Variants in LIN9 observed in about 807,000 individuals in gnomAD.
LIN9 encodes the protein lin-9 DREAM MuvB core complex component, also known as protein lin-9 homolog.
Under a neutral mutation model 78.0 loss-of-function variants are expected in LIN9, and 18 were observed. The observed-to-expected ratio is 0.23, with a 90% CI of 0.16 to 0.34. The LOEUF (loss-of-function observed/expected upper bound fraction) is 0.34, where lower values mean the gene tolerates loss of function less well. Ranked by LOEUF, LIN9 falls within the 10% of genes least tolerant of loss-of-function variation. The pLI is 1.00. For synonymous variants in LIN9, 192 were observed against 215.2 expected, an observed-to-expected ratio of 0.89 and a Z score of 0.94; for missense variants, 451 against 644.1, an observed-to-expected ratio of 0.70 and a Z score of 3.25.
chr1:226,266,139 T>C, intron 9 of LIN9, 74 bp downstream of exon 9: 2 of 1,007,250 alleles, frequency 2.0e-6, no homozygotes, highest in East Asian at 3.0e-5. Context: ...CTGTAATAGA[T>C]GTGTATTTCT....
At chr1:226,276,838 C>A (rs10799345) in intron 7 of LIN9, among the ~76,000 whole-genome samples, 8,057 of 152,112 alleles carry the variant, frequency 0.053, 335 homozygotes, top group East Asian at 0.2. Flanking sequence ...TCCATGAGTA[C>A]ACAGAATCAC....
intron 7 of LIN9, among the ~76,000 whole-genome samples, chr1:226,273,769 C>T (rs915307001): frequency 6.6e-6 from 1 of 151,652 alleles, no homozygotes; most frequent in Non-Finnish European, 1.5e-5. Flanking sequence ...CCAGGTGATT[C>T]TGATGCATAC....
chr1:226,291,607 A>C (rs1661798179), intron 4 of LIN9, among the ~76,000 whole-genome samples: 1 of 152,164 alleles, frequency 6.6e-6, no homozygotes, highest in Non-Finnish European at 1.5e-5. Context: ...TAGGGTCAAA[A>C]TTTTAAAATT....
intron 3 of LIN9, 39 bp from the exon 4 acceptor site, chr1:226,295,985 C>T: frequency 1.4e-6 from 2 of 1,408,442 alleles, no homozygotes; most frequent in Non-Finnish European, 2.0e-6. Context: ...AAAAGCCGAA[C>T]CCTCCCATTT....
Position 226,232,393 on chromosome 1 carries a change from T to C in LIN9, c.*108A>G. 1.6e-6 allele frequency: 1 copy of C among 641,602 alleles called. No homozygotes were observed. Among genetic ancestry groups the C allele is most frequent in the South Asian group, 2.6e-5 (1 of 38,848 alleles). 39.7% of individuals were successfully genotyped at this position (641,602 alleles called of 1,614,324 possible). A position where few individuals can be genotyped will look rare whatever the true frequency, so the allele number is the denominator to read the frequency against. ...AAAATGCCTTATTTGGAGATTTAAA[T>C]TTCCCTTGTTTTCCAGCAGTTAGGT... On this transcript the variant is annotated 3_prime_UTR_variant, in exon 15 of 15. Coordinates refer to ENST00000681046, the MANE Select transcript of LIN9 (RefSeq NM_001366245.2).
chr1:226,266,523 CAG>C (rs1159864130), intron 8 of LIN9, among the ~76,000 whole-genome samples, 191 bp from the exon 9 acceptor site: 6 of 148,264 alleles, frequency 4.0e-5, no homozygotes, highest in Non-Finnish European at 4.5e-5. Flanking sequence ...GAACTTGAAA[CAG>C]AGTATGAAAA....
chr1:226,305,986 T>C lies in LIN9; in HGVS notation c.31+3123A>G, dbSNP rs754143835. Among the ~76,000 whole-genome samples the C allele has an allele frequency of 2.0e-5, 3 of 152,190 alleles. No individual in the cohort carries two copies. In the Middle Eastern group the frequency reaches 0.01, roughly 518 times the overall value. ...GTAGAATTGATAGATATTTAGAAGG[T>C]AAAATTTACAGACTTAGTAAAGGCT... On this transcript the variant is annotated intron_variant, in intron 1 of 14. Transcript: ENST00000681046.
At chr1:226,291,894 C>T (rs1661817550) in intron 4 of LIN9, among the ~76,000 whole-genome samples, 1 of 151,144 alleles carries the variant, frequency 6.6e-6, no homozygotes, top group African/African-American at 2.4e-5. Context: ...TCTTTGTTTT[C>T]CCTCAGTGAC....
intron 11 of LIN9, among the ~76,000 whole-genome samples, chr1:226,249,190 T>G (rs191418564): frequency 4.0e-5 from 6 of 151,798 alleles, no homozygotes; most frequent in Admixed American, 3.9e-4. Flanking sequence ...AAAACAGAAG[T>G]GGGGTGGAAG....
intron 1 of LIN9, among the ~76,000 whole-genome samples, chr1:226,307,815 T>C (rs767194329): frequency 6.6e-6 from 1 of 152,228 alleles, no homozygotes; most frequent in Non-Finnish European, 1.5e-5. Flanking sequence ...TAGCCACATT[T>C]GAAATGTTCC....
At chr1:226,305,836 T>C (rs568832049) in intron 1 of LIN9, among the ~76,000 whole-genome samples, 1 of 152,212 alleles carries the variant, frequency 6.6e-6, no homozygotes, top group Non-Finnish European at 1.5e-5. Flanking sequence ...ATGACATACA[T>C]TCGTTTTGAA....
Position 226,250,937 on chromosome 1 carries a change from A to T in LIN9, c.1039-18T>A. On this transcript the variant is annotated intron_variant, in intron 10 of 14. Transcript: ENST00000681046. ...AATCTGGTCTACAGACAAAGAAGAA[A>T]TATTTTAGAATAAACAGAGGCATTT... is the stretch of plus-strand genomic sequence containing the variant. The T allele has an allele frequency of 8.0e-7, 1 of 1,254,910 alleles. No individual in the cohort carries two copies. Among genetic ancestry groups the T allele is most frequent in the Non-Finnish European group, 1.1e-6 (1 of 876,176 alleles). The allele number at this position is 1,254,910 out of a possible 1,614,324, so 77.7% of individuals were successfully genotyped here.
Position 226,266,350 on chromosome 1 carries a change from T to C in LIN9, c.817-18A>G. ...TCATTACTCTGAGAAAACAGAATAA[T>C]TCACAAAACTTAAAGAAATTTACCA... is the stretch of plus-strand genomic sequence containing the variant. On this transcript the variant is annotated intron_variant, in intron 8 of 14. Transcript: ENST00000681046. 6.4e-7 allele frequency: 1 copy of C among 1,573,072 alleles called. No homozygotes were observed. The highest frequency in any genetic ancestry group is 8.6e-7 in the Non-Finnish European group (1 of 1,159,344).
chr1:226,283,425 C>T (rs963459359), intron 6 of LIN9, among the ~76,000 whole-genome samples: 4 of 151,282 alleles, frequency 2.6e-5, no homozygotes, highest in Non-Finnish European at 5.9e-5. Flanking sequence ...CACACCCAGC[C>T]TGAATCATCT....
intron 4 of LIN9, among the ~76,000 whole-genome samples, chr1:226,288,416 A>G (rs1465490053): frequency 6.6e-6 from 1 of 152,184 alleles, no homozygotes; most frequent in African/African-American, 2.4e-5. Flanking sequence ...AACTACCACC[A>G]CTATTTCATA....
intron 2 of LIN9, among the ~76,000 whole-genome samples, chr1:226,298,985 T>C (rs1293857796): frequency 6.6e-6 from 1 of 152,180 alleles, no homozygotes; most frequent in Non-Finnish European, 1.5e-5. Flanking sequence ...CAGAAAAGAA[T>C]TCTATCGAAT....
chr1:226,297,713 C>G lies in LIN9; in HGVS notation c.159+6G>C, dbSNP rs1251857625. The G allele has an allele frequency of 6.4e-7, 1 of 1,552,664 alleles. No homozygotes were observed. Among genetic ancestry groups the G allele is most frequent in the South Asian group, 1.2e-5 (1 of 81,856 alleles). On this transcript the variant is annotated splice_donor_region_variant and intron_variant, in intron 3 of 14. Coordinates refer to ENST00000681046, the MANE Select transcript of LIN9 (RefSeq NM_001366245.2). ...TTCTAAAATGTAAGAAAAACTCACT[C>G]CTTACCATTTCCACAGCAGAGCTTG... is the stretch of plus-strand genomic sequence containing the variant.
rs1657379253 is a variant in LIN9, at chr1:226,232,158, C to G, written c.*343G>C. 1 of 399,542 alleles carries G rather than the reference C, an allele frequency of 2.5e-6. No homozygotes were observed. The highest frequency in any genetic ancestry group is 4.4e-6 in the Non-Finnish European group (1 of 226,508). 24.7% of individuals were successfully genotyped at this position (399,542 alleles called of 1,614,324 possible). Reference sequence around the variant, plus strand: ...TCATACTCTCCATTGCAGCAGTTGTCTGCATGTGTTGCGGTGAATTCATGC... The same window carrying G: ...TCATACTCTCCATTGCAGCAGTTGTGTGCATGTGTTGCGGTGAATTCATGC... On this transcript the variant is annotated 3_prime_UTR_variant, in exon 15 of 15. Coordinates refer to ENST00000681046, the MANE Select transcript of LIN9 (RefSeq NM_001366245.2).
At chr1:226,248,189 G>A (rs1658605549) in intron 11 of LIN9, among the ~76,000 whole-genome samples, 1 of 152,130 alleles carries the variant, frequency 6.6e-6, no homozygotes, top group African/African-American at 2.4e-5. Flanking sequence ...TAAATGCCAC[G>A]TTTGAGTTCT....
Sources: allele counts gnomAD v4.1 joint callset (sites outside exome capture counted in the v4.1 genomes callset), GRCh38; gene constraint gnomAD v4.1.1; transcripts MANE v1.5; gene names NCBI Gene and HGNC (gene_info 2026-07-23, HGNC 2026-07-21).